FRMPD1: variants seen among roughly 807,000 people sequenced by gnomAD.
The protein encoded by FRMPD1 is FERM and PDZ domain-containing protein 1.
Under a neutral mutation model 117.8 loss-of-function variants are expected in FRMPD1, and 76 were observed. That is an observed-to-expected ratio of 0.65 (90% CI 0.54 to 0.78). The LOEUF is 0.78. FRMPD1 is among the 30% of genes least tolerant of loss of function. The pLI, the probability that FRMPD1 is intolerant of heterozygous loss-of-function variation, is 0.00. For missense variants in FRMPD1, 1,786 were observed against 1,964.5 expected, an observed-to-expected ratio of 0.91 and a Z score of 1.72; for synonymous variants, 783 against 770.4, an observed-to-expected ratio of 1.02 and a Z score of -0.27.
chr9:37,633,666 C>G, the FRMPD1 span, among the ~76,000 whole-genome samples: 2 of 152,062 alleles, frequency 1.3e-5, no homozygotes, highest in African/African-American at 4.8e-5. Context: ...TCAAGACCAG[C>G]CTGGGTAATA....
At chr9:37,712,998 T>A (rs943884378) in intron 5 of FRMPD1, among the ~76,000 whole-genome samples, 3 of 151,834 alleles carry the variant, frequency 2.0e-5, no homozygotes, top group African/African-American at 7.3e-5. Flanking sequence ...TATAAAAAAA[T>A]AACATAAAAG....
At chr9:37,723,669 C>G (rs1823492974) in intron 6 of FRMPD1, among the ~76,000 whole-genome samples, 1 of 152,050 alleles carries the variant, frequency 6.6e-6, no homozygotes, top group African/African-American at 2.4e-5. Context: ...ACCAGCTGGC[C>G]AACATGGTGA....
chr9:37,619,049 C>A, the FRMPD1 span, among the ~76,000 whole-genome samples: 2 of 152,154 alleles, frequency 1.3e-5, no homozygotes, highest in Admixed American at 1.3e-4. Context: ...GTGAATTATA[C>A]TGAATGGAAT....
chr9:37,649,421 G>A (rs113784640), upstream of FRMPD1, among the ~76,000 whole-genome samples: 389 of 152,256 alleles, frequency 2.6e-3, 2 homozygotes, highest in African/African-American at 8.7e-3. Context: ...CTACAAAGAC[G>A]GGTGAGGAAA....
At chr9:37,643,532 T>A in the FRMPD1 span, among the ~76,000 whole-genome samples, 1 of 152,214 alleles carries the variant, frequency 6.6e-6, no homozygotes, top group East Asian at 1.9e-4. Context: ...TCAAAAACAA[T>A]TTTTCCTCAT....
chr9:37,634,920 C>T, the FRMPD1 span, among the ~76,000 whole-genome samples: 3 of 152,024 alleles, frequency 2.0e-5, no homozygotes, highest in African/African-American at 4.8e-5. Context: ...GTGTTGTTCC[C>T]CTCTCTGCGT....
intron 2 of FRMPD1, among the ~76,000 whole-genome samples, chr9:37,694,842 T>C (rs1046289528): frequency 1.3e-5 from 2 of 152,082 alleles, no homozygotes; most frequent in East Asian, 3.9e-4. Flanking sequence ...GCTTATCTTC[T>C]TTTGCTTATC....
chr9:37,730,256 C>T (rs890430154), intron 8 of FRMPD1, among the ~76,000 whole-genome samples: 3 of 152,154 alleles, frequency 2.0e-5, no homozygotes, highest in South Asian at 2.1e-4. Context: ...GACTTACCCC[C>T]GATATGGTTC....
At chr9:37,694,516 C>T (rs939124288) in intron 2 of FRMPD1, among the ~76,000 whole-genome samples, 3 of 152,094 alleles carry the variant, frequency 2.0e-5, no homozygotes, top group African/African-American at 7.2e-5. Context: ...CCTATTCTCC[C>T]CTCTGCCAGC....
intron 1 of FRMPD1, among the ~76,000 whole-genome samples, chr9:37,676,964 A>G (rs575544168): frequency 2.0e-5 from 3 of 152,248 alleles, no homozygotes; most frequent in Non-Finnish European, 4.4e-5. Context: ...GATCTCCTCT[A>G]CCACACTCAG....
chr9:37,744,336 T>C (rs778523088), intron 15 of FRMPD1, 53 bp from the exon 16 acceptor site: 3 of 1,387,822 alleles, frequency 2.2e-6, no homozygotes, highest in African/African-American at 2.9e-5. Context: ...CCAAGCTCTA[T>C]TAACCTCTTT....
chr9:37,691,567 A>G (rs1822140051), intron 1 of FRMPD1, among the ~76,000 whole-genome samples: 1 of 152,246 alleles, frequency 6.6e-6, no homozygotes, highest in Admixed American at 6.5e-5. Context: ...TATCTTTGCA[A>G]ACTTTTTATA....
At position 37,745,455 on chromosome 9, in the gene FRMPD1, A is replaced by C. The variant is rs1343510678; in HGVS notation, c.3423A>C (p.Ser1141=). The change falls in exon 16 of 16, where the codon TCA becomes TCC. Residue 1141 remains serine (S), a synonymous_variant. Coordinates refer to ENST00000377765, the MANE Select transcript of FRMPD1 (RefSeq NM_014907.3). ...KDSGDSPGDV[S]NNVSQTLDIS... ...CAGGTGACTCCCCGGGTGATGTGTC[A>C]AATAATGTTTCACAGACTCTTGATA... The C allele has an allele frequency of 6.2e-7, 1 of 1,613,888 alleles. No individual in the cohort carries two copies. The highest frequency in any genetic ancestry group is 8.5e-7 in the Non-Finnish European group (1 of 1,179,870).
the FRMPD1 span, among the ~76,000 whole-genome samples, chr9:37,629,237 G>A: frequency 2.0e-5 from 3 of 152,194 alleles, no homozygotes; most frequent in African/African-American, 7.2e-5. Context: ...GAAACTCTGG[G>A]GTAGGGCCCA....
At chr9:37,658,229 GA>G (rs1563920565) in intron 1 of FRMPD1, among the ~76,000 whole-genome samples, 1 of 152,056 alleles carries the variant, frequency 6.6e-6, no homozygotes, top group African/African-American at 2.4e-5. Context: ...CCTCACTTCG[GA>G]ATCTATATTT....
chr9:37,657,657 C>G (rs1820881022), intron 1 of FRMPD1, among the ~76,000 whole-genome samples: 1 of 152,168 alleles, frequency 6.6e-6, no homozygotes, highest in African/African-American at 2.4e-5. Context: ...CAAGCTCATT[C>G]CTGGTTATTT....
At chr9:37,729,970 G>T (rs1823796375) in intron 8 of FRMPD1, 117 bp downstream of exon 8, 1 of 1,059,080 alleles carries the variant, frequency 9.4e-7, no homozygotes, top group Non-Finnish European at 1.4e-6. Flanking sequence ...ACTTTCTCTT[G>T]CCCCAGAAGG....
chr9:37,719,060 G>GT lies in FRMPD1; in HGVS notation c.409-4dup, dbSNP rs1563947699. On this transcript the variant is annotated splice_polypyrimidine_tract_variant and intron_variant, in intron 5 of 15. Transcript: ENST00000377765. ...CTGTTCCAAAATGCATCATGTTACT[G>GT]TTTTTCAGGGAGTCCCTAAATCGTC... 1.3e-6 allele frequency: 2 copies of GT among 1,556,684 alleles called. No homozygotes were observed. The highest frequency in any genetic ancestry group is 1.8e-6 in the Non-Finnish European group (2 of 1,127,502).
the FRMPD1 span, among the ~76,000 whole-genome samples, chr9:37,640,178 T>C: frequency 6.6e-6 from 1 of 152,196 alleles, no homozygotes; most frequent in Admixed American, 6.5e-5. Context: ...AAATGAGATA[T>C]TGTCTGCATA....
Sources: gnomAD v4.1 joint callset for allele counts (sites outside exome capture counted in the v4.1 genomes callset) on GRCh38, gnomAD v4.1.1 for gene constraint, MANE v1.5 for transcripts, NCBI Gene and HGNC (gene_info 2026-07-23, HGNC 2026-07-21) for gene names.